Variants in ZNF442 observed in about 807,000 individuals in gnomAD.
ZNF442 encodes zinc finger protein 442.
Under a neutral mutation model 57.0 loss-of-function variants are expected in ZNF442, and 45 were observed. The observed-to-expected ratio is 0.79, with a 90% CI of 0.62 to 1.01. The LOEUF (loss-of-function observed/expected upper bound fraction) is 1.01. Ranked by LOEUF, ZNF442 falls within the 50% of genes least tolerant of loss-of-function variation. The pLI is 0.00. For missense variants in ZNF442, 690 were observed against 756.5 expected (o/e 0.91, Z 1.03); for synonymous variants, 213 against 241.8 (o/e 0.88, Z 1.10).
intron 3 of ZNF442, among the ~76,000 whole-genome samples, chr19:12,355,878 T>C (rs1969320065): frequency 6.6e-6 from 1 of 151,930 alleles, no homozygotes; most frequent in Non-Finnish European, 1.5e-5. Flanking sequence ...CTGATGCCTG[T>C]AGTCCCAGCT....
chr19:12,372,783 CT>C, the ZNF442 span, among the ~76,000 whole-genome samples: 1 of 152,070 alleles, frequency 6.6e-6, no homozygotes, highest in Non-Finnish European at 1.5e-5. Flanking sequence ...TGTGAGTTTT[CT>C]TTTTTTGGAG....
chr19:12,348,665 C>T lies in ZNF442; in HGVS notation c.*1036G>A, dbSNP rs1969163491. 6.6e-6 allele frequency: 1 copy of T among 152,166 alleles called. No individual in the cohort carries two copies. The highest frequency in any genetic ancestry group is 6.5e-5 in the Admixed American group (1 of 15,286). 9.4% of individuals were successfully genotyped at this position (152,166 alleles called of 1,614,324 possible). The stretch of plus-strand genomic sequence containing the variant: ...CATCCAACACAGATGATCATCCTGA[C>T]ATCCTGTCAAGATTCAAGTGAGCCT... On this transcript the variant is annotated 3_prime_UTR_variant, in exon 6 of 6. Transcript: ENST00000242804.
At chr19:12,363,695 G>A (rs1309356135) in intron 2 of ZNF442, 24 bp from the exon 3 acceptor site, 1 of 1,457,580 alleles carries the variant, frequency 6.9e-7, no homozygotes, top group Non-Finnish European at 9.6e-7. Flanking sequence ...AGAACAAGGT[G>A]ATTGTCCCAA....
At chr19:12,364,265 G>C (rs1969493131) in intron 2 of ZNF442, among the ~76,000 whole-genome samples, 1 of 151,916 alleles carries the variant, frequency 6.6e-6, no homozygotes, top group South Asian at 2.1e-4. Context: ...AAATTAGCCG[G>C]GTGTGGTGGT....
intron 3 of ZNF442, among the ~76,000 whole-genome samples, chr19:12,354,566 A>AT (rs960009182): frequency 2.1e-3 from 308 of 146,474 alleles, no homozygotes; most frequent in Middle Eastern, 0.01. Flanking sequence ...CAGATAAAGA[A>AT]TTTTTTTTTT....
the ZNF442 span, among the ~76,000 whole-genome samples, chr19:12,372,268 C>A: frequency 2.6e-5 from 4 of 152,000 alleles, no homozygotes; most frequent in African/African-American, 7.2e-5. Context: ...ACCAGCCTGG[C>A]CAACATGGTG....
intron 3 of ZNF442, among the ~76,000 whole-genome samples, chr19:12,360,866 C>A (rs1969413615): frequency 6.6e-6 from 1 of 151,164 alleles, no homozygotes; most frequent in Non-Finnish European, 1.5e-5. Flanking sequence ...GGCAACAGAG[C>A]AAGATTCCAT....
the ZNF442 span, among the ~76,000 whole-genome samples, chr19:12,371,712 A>G: frequency 1.3e-5 from 2 of 152,236 alleles, no homozygotes; most frequent in African/African-American, 4.8e-5. Context: ...CTTCCTATTC[A>G]ATAAATGGTT....
At chr19:12,366,915 G>A (rs965595211), upstream of ZNF442, among the ~76,000 whole-genome samples, 13 of 152,290 alleles carry the variant, frequency 8.5e-5, no homozygotes, top group East Asian at 5.8e-4. Context: ...GATTACAGGC[G>A]TGAGCCACCA....
chr19:12,346,572 C>A lies in ZNF442; in HGVS notation c.*3129G>T, dbSNP rs1969133489. ...TTACACCAATTATTCTGTGAACCAG[C>A]AATTACACTCCTAGGGATACATATA... On this transcript the variant is annotated 3_prime_UTR_variant, in exon 6 of 6. Transcript: ENST00000242804. 1 of 152,178 alleles carries A rather than the reference C, an allele frequency of 6.6e-6. No individual in the cohort carries two copies. 9.4% of individuals were successfully genotyped at this position (152,178 alleles called of 1,614,324 possible). A position where few individuals can be genotyped will look rare whatever the true frequency, so the allele number is the denominator to read the frequency against.
chr19:12,367,707 C>T (rs1404384214), upstream of ZNF442, among the ~76,000 whole-genome samples: 1 of 151,994 alleles, frequency 6.6e-6, no homozygotes, highest in Non-Finnish European at 1.5e-5. Flanking sequence ...CACGCTCTGT[C>T]CCCCAGGCTG....
chr19:12,355,385 G>T lies in ZNF442; in HGVS notation c.79-2271C>A, dbSNP rs1462114097. On this transcript the variant is annotated intron_variant, in intron 3 of 5. Coordinates refer to ENST00000242804, the MANE Select transcript of ZNF442 (RefSeq NM_030824.3). Reference sequence around the variant, plus strand: ...AGAATTTTTTTTTTTTTTTGAGACGGAGTTTCGCTCTTATTACCCAGGCTG... The same window carrying T: ...AGAATTTTTTTTTTTTTTTGAGACGTAGTTTCGCTCTTATTACCCAGGCTG... Among the ~76,000 whole-genome samples the T allele has an allele frequency of 2.0e-4, 30 of 147,848 alleles. 1 individual carries two copies. Among genetic ancestry groups the T allele is most frequent in the Non-Finnish European group, 3.0e-5 (2 of 67,034 alleles).
At chr19:12,354,924 T>A (rs527992880) in intron 3 of ZNF442, among the ~76,000 whole-genome samples, 4 of 152,196 alleles carry the variant, frequency 2.6e-5, no homozygotes, top group African/African-American at 9.6e-5. Flanking sequence ...CAACTGAAGG[T>A]TAGCTGTGGT....
rs374264593 is a variant in ZNF442 at position 12,350,598 on chromosome 19, T to C, written c.987A>G (p.Ala329=). 3 of 1,612,876 alleles carry C rather than the reference T, an allele frequency of 1.9e-6. No homozygotes were observed. Among genetic ancestry groups the C allele is most frequent in the South Asian group, 2.2e-5 (2 of 90,998 alleles). ...KPYECKQCGK[A]FHHLGSFQRH... ...TTTGAAAGCTTCCCAGATGATGAAATGCTTTCCCGCATTGCTTGCATTCAT... is the reference window on the plus strand; with the variant it reads ...TTTGAAAGCTTCCCAGATGATGAAACGCTTTCCCGCATTGCTTGCATTCAT... The change falls in exon 6 of 6, where the codon GCA becomes GCG. Residue 329 remains alanine (A), a synonymous_variant. Transcript: ENST00000242804.
chr19:12,371,362 A>G, the ZNF442 span, among the ~76,000 whole-genome samples: 9 of 152,212 alleles, frequency 5.9e-5, no homozygotes, highest in Admixed American at 5.9e-4. Context: ...AGAATCAACC[A>G]TCTTTCTGTA....
chr19:12,362,163 A>G (rs151028269), intron 3 of ZNF442, among the ~76,000 whole-genome samples: 7,093 of 152,064 alleles, frequency 0.047, 550 homozygotes, highest in African/African-American at 0.16. Flanking sequence ...AGCGAGGAGC[A>G]TCTCTGCCTG....
At chr19:12,364,763 A>G (rs7246126) in intron 2 of ZNF442, 39 bp downstream of exon 2, 4,395 of 152,260 alleles carry the variant, frequency 0.029, 218 homozygotes, top group African/African-American at 0.1. Context: ...CCCACGCAAG[A>G]ATCTGGATTC....
upstream of ZNF442, among the ~76,000 whole-genome samples, chr19:12,366,533 T>C (rs527394551): frequency 2.0e-5 from 3 of 152,314 alleles, no homozygotes; most frequent in Non-Finnish European, 2.9e-5. Context: ...ACTGCATAGA[T>C]GTTACCTCTC....
chr19:12,369,543 A>G (rs964452832), upstream of ZNF442, among the ~76,000 whole-genome samples: 111 of 151,902 alleles, frequency 7.3e-4, no homozygotes, highest in African/African-American at 2.6e-3. Flanking sequence ...GCTTGAACCC[A>G]GGAGGCAGGG....
Sources: allele counts gnomAD v4.1 joint callset (sites outside exome capture counted in the v4.1 genomes callset), GRCh38; gene constraint gnomAD v4.1.1; transcripts MANE v1.5; gene names NCBI Gene and HGNC (gene_info 2026-07-23, HGNC 2026-07-21).